The following ZYG11B variants were observed in gnomAD, a reference collection of about 807,000 sequenced individuals.
ZYG11B encodes protein zyg-11 homolog B.
Under a neutral mutation model 82.4 loss-of-function variants are expected in ZYG11B, and 36 were observed. The ratio of observed to expected loss-of-function variants is 0.44; its 90% CI spans 0.33 to 0.58. ZYG11B has a LOEUF of 0.58. Among genes scored for constraint, ZYG11B ranks in the 20% least tolerant of loss-of-function variants. The pLI is 0.02. For missense variants in ZYG11B, 552 were observed against 895.6 expected, an observed-to-expected ratio of 0.62 and a Z score of 4.90; for synonymous variants, 303 against 312.8, an observed-to-expected ratio of 0.97 and a Z score of 0.33.
At chr1:52,768,478 T>A (rs779132359) in intron 2 of ZYG11B, among the ~76,000 whole-genome samples, 8 of 152,194 alleles carry the variant, frequency 5.3e-5, no homozygotes, top group Non-Finnish European at 1.2e-4. Context: ...CTATTTCTTA[T>A]GTTCAAGCAA....
In ZYG11B at chr1:52,821,644, G is replaced by C; in HGVS notation, c.*15G>C. 1 of 1,591,016 alleles carries C rather than the reference G, an allele frequency of 6.3e-7. No individual in the cohort carries two copies. The highest frequency in any genetic ancestry group is 8.6e-7 in the Non-Finnish European group (1 of 1,167,124). ...GACTAAATTGATAGCCATAAGTATT[G>C]GATAGTTGAATCACAGGAATCCTTT... On this transcript the variant is annotated 3_prime_UTR_variant, in exon 14 of 14. Coordinates refer to ENST00000294353, the MANE Select transcript of ZYG11B (RefSeq NM_024646.3).
chr1:52,793,750 G>A (rs1444412858), intron 6 of ZYG11B, among the ~76,000 whole-genome samples: 1 of 152,126 alleles, frequency 6.6e-6, no homozygotes, highest in Non-Finnish European at 1.5e-5. Context: ...AGAAAGCATA[G>A]GGTAGGCAGG....
chr1:52,726,792 C>T (rs1644288078), intron 1 of ZYG11B, 109 bp downstream of exon 1: 1 of 1,136,348 alleles, frequency 8.8e-7, no homozygotes. Flanking sequence ...TCCCCTCGGG[C>T]TCCCTGCCTT....
Position 52,821,675 on chromosome 1 carries a change from ATTGGTCCAT to A in ZYG11B, c.*51_*59del, listed in dbSNP as rs745781411. The A allele has an allele frequency of 4.0e-5, 61 of 1,541,494 alleles. No homozygotes were observed. The highest frequency in any genetic ancestry group is 5.1e-5 in the Non-Finnish European group (58 of 1,135,276). ...TTGAATCACAGGAATCCTTTTTGTG[ATTGGTCCAT>A]TTGGAATATCTTACCCTCCCTGATG... On this transcript the variant is annotated 3_prime_UTR_variant, in exon 14 of 14. Coordinates refer to ENST00000294353, the MANE Select transcript of ZYG11B (RefSeq NM_024646.3).
At chr1:52,750,498 C>A (rs148440265) in intron 1 of ZYG11B, among the ~76,000 whole-genome samples, 2,864 of 152,232 alleles carry the variant, frequency 0.019, 48 homozygotes, top group South Asian at 0.033. Context: ...ATCTTGAACT[C>A]CTGACCTCAG....
At chr1:52,730,965 G>A in intron 1 of ZYG11B, among the ~76,000 whole-genome samples, 1 of 151,986 alleles carries the variant, frequency 6.6e-6, no homozygotes, top group Non-Finnish European at 1.5e-5. Context: ...TAAATTGTAG[G>A]AGTTATGTAA....
chr1:52,733,225 G>T (rs1228407934), intron 1 of ZYG11B, among the ~76,000 whole-genome samples: 1 of 152,152 alleles, frequency 6.6e-6, no homozygotes, highest in Admixed American at 6.6e-5. Flanking sequence ...GGTAAAATTT[G>T]TATATCAAAC....
At chr1:52,761,703 G>C (rs1644632968) in intron 2 of ZYG11B, among the ~76,000 whole-genome samples, 1 of 152,176 alleles carries the variant, frequency 6.6e-6, no homozygotes, top group Non-Finnish European at 1.5e-5. Flanking sequence ...TAAATGTCCA[G>C]TAGTGGGATT....
chr1:52,787,943 AG>A (rs1180460256), intron 5 of ZYG11B, among the ~76,000 whole-genome samples: 1 of 152,208 alleles, frequency 6.6e-6, no homozygotes, highest in Non-Finnish European at 1.5e-5. Context: ...GTATAGACAA[AG>A]GTACCAGGCA....
chr1:52,811,753 A>G (rs966415655), intron 10 of ZYG11B, among the ~76,000 whole-genome samples: 4 of 151,886 alleles, frequency 2.6e-5, no homozygotes, highest in Non-Finnish European at 4.4e-5. Context: ...TAGGTTGGCC[A>G]GGCGCGGTGG....
At chr1:52,816,392 AATGAT>A in intron 12 of ZYG11B, 135 bp from the exon 13 acceptor site, 2 of 622,276 alleles carry the variant, frequency 3.2e-6, no homozygotes, top group East Asian at 5.6e-5. Context: ...AAGACAAAGA[AATGAT>A]ATTCTATAGC....
In ZYG11B at chr1:52,784,972, T is replaced by C. The variant is rs1175114541; in HGVS notation, c.1188T>C (p.Ala396=). 1 of 1,614,108 alleles carries C rather than the reference T, an allele frequency of 6.2e-7. No homozygotes were observed. Among genetic ancestry groups the C allele is most frequent in the Non-Finnish European group, 8.5e-7 (1 of 1,180,046 alleles). The change falls in exon 5 of 14, where the codon GCT becomes GCC. Residue 396 remains alanine (A), a synonymous_variant. Transcript: ENST00000294353. Reference sequence around the variant, plus strand: ...TTAACTTAACCAAGCAGGATCTTGCTGCAGGGATGCCTGTCCGACTCCTGG... The same window carrying C: ...TTAACTTAACCAAGCAGGATCTTGCCGCAGGGATGCCTGTCCGACTCCTGG... ...CVFNLTKQDL[A]AGMPVRLLAD... is the part of the protein sequence containing the mutation.
chr1:52,804,793 T>A (rs1270806378), intron 10 of ZYG11B, among the ~76,000 whole-genome samples: 3 of 152,114 alleles, frequency 2.0e-5, no homozygotes, highest in Non-Finnish European at 2.9e-5. Context: ...TTATTTTTTA[T>A]TTTTGAAAAA....
chr1:52,816,780 CTTTTTTTTTTTTTTTTTT>C (rs71044423), intron 13 of ZYG11B, 151 bp downstream of exon 13: 57 of 264,250 alleles, frequency 2.2e-4, no homozygotes, highest in African/African-American at 1.9e-3. Context: ...TTAAGGTATT[CTTTTTTTTTTTTTTTTTT>C]TTTTTTTGAG....
intron 1 of ZYG11B, chr1:52,754,325 A>G (rs899134081): frequency 2.0e-5 from 3 of 151,808 alleles, no homozygotes; most frequent in Non-Finnish European, 2.9e-5. Context: ...ACCTTTGACT[A>G]TTTCTCGGCC....
intron 6 of ZYG11B, among the ~76,000 whole-genome samples, chr1:52,794,083 T>C (rs1198672235): frequency 6.6e-6 from 1 of 152,020 alleles, no homozygotes; most frequent in Non-Finnish European, 1.5e-5. Flanking sequence ...CAAGTGATTC[T>C]CCTGCCTCAG....
intron 3 of ZYG11B, among the ~76,000 whole-genome samples, chr1:52,776,229 A>AAAAAAAAAAATATATATATATATAT: frequency 2.5e-4 from 6 of 23,538 alleles, no homozygotes; most frequent in Admixed American, 8.1e-4. Context: ...TAAAAAAAAA[A>AAAAAAAAAAATATATATATATATAT]ATATATATAT....
intron 3 of ZYG11B, among the ~76,000 whole-genome samples, chr1:52,779,256 C>T (rs1644835218): frequency 6.6e-6 from 1 of 152,066 alleles, no homozygotes; most frequent in African/African-American, 2.4e-5. Flanking sequence ...CAGATAGGAT[C>T]CTAATCAAGC....
At chr1:52,798,777 C>G (rs1195176694) in intron 8 of ZYG11B, among the ~76,000 whole-genome samples, 1 of 152,058 alleles carries the variant, frequency 6.6e-6, no homozygotes, top group East Asian at 1.9e-4. Flanking sequence ...ACTAGTAAAC[C>G]ACGAAAACTT....
Sources: gnomAD v4.1 joint callset for allele counts (sites outside exome capture counted in the v4.1 genomes callset) on GRCh38, gnomAD v4.1.1 for gene constraint, MANE v1.5 for transcripts, NCBI Gene and HGNC (gene_info 2026-07-23, HGNC 2026-07-21) for gene names.